The following PAWR variants were observed in gnomAD, a reference collection of about 807,000 sequenced individuals.
PAWR encodes pro-apoptotic WT1 regulator.
Under a neutral mutation model 32.0 loss-of-function variants are expected in PAWR, and 23 were observed. That is an observed-to-expected ratio of 0.72 (90% CI 0.52 to 1.02). The LOEUF (loss-of-function observed/expected upper bound fraction) is 1.02, where lower values mean the gene tolerates loss of function less well. Ranked by LOEUF, PAWR falls within the 50% of genes least tolerant of loss-of-function variation. PAWR has a pLI of 0.00. For missense variants in PAWR, 457 were observed against 437.7 expected (o/e 1.04, Z -0.39); for synonymous variants, 226 against 187.1 (o/e 1.21, Z -1.70).
At chr12:79,609,450 C>T (rs549785861) in intron 4 of PAWR, among the ~76,000 whole-genome samples, 1 of 152,174 alleles carries the variant, frequency 6.6e-6, no homozygotes, top group South Asian at 2.1e-4. Flanking sequence ...AACTGTGGCC[C>T]AAAGTGAGAA....
intron 4 of PAWR, among the ~76,000 whole-genome samples, chr12:79,599,144 G>A (rs1873870541): frequency 6.6e-6 from 1 of 152,220 alleles, no homozygotes; most frequent in South Asian, 2.1e-4. Context: ...GACCAAACTG[G>A]TTTCTTGTCT....
Position 79,621,093 on chromosome 12 carries a change from T to C in PAWR, c.631A>G (p.Ser211Gly), listed in dbSNP as rs1171670313. Residue 211 changes from serine to glycine, a missense_variant, in exon 3 of 7, where the codon AGT becomes GGT. Coordinates refer to ENST00000328827, the MANE Select transcript of PAWR (RefSeq NM_002583.4). ...NEAVNLLDPG[S>G]SYLLQEPPRT... is the part of the protein sequence containing the mutation. ...ATACTCACCTGTAGCAGATAGGAAC[T>C]GCCTGGATCTAGTAAGTTTACAGCT... is the stretch of plus-strand genomic sequence containing the variant. The C allele has an allele frequency of 6.2e-7, 1 of 1,602,660 alleles. No individual in the cohort carries two copies. Among genetic ancestry groups the C allele is most frequent in the Non-Finnish European group, 8.5e-7 (1 of 1,175,760 alleles).
At chr12:79,602,959 A>G (rs1000415425) in intron 4 of PAWR, among the ~76,000 whole-genome samples, 1 of 152,158 alleles carries the variant, frequency 6.6e-6, no homozygotes, top group Non-Finnish European at 1.5e-5. Context: ...ACAGCTGAGT[A>G]GGCTGAGCAC....
chr12:79,670,933 C>T (rs1877863036), intron 2 of PAWR, among the ~76,000 whole-genome samples: 1 of 148,414 alleles, frequency 6.7e-6, no homozygotes, highest in South Asian at 2.1e-4. Flanking sequence ...TCCTACATGT[C>T]AAGCACTGAG....
chr12:79,690,385 G>A lies in PAWR; in HGVS notation c.-141C>T. On this transcript the variant is annotated 5_prime_UTR_variant, in exon 2 of 7. Coordinates refer to ENST00000328827, the MANE Select transcript of PAWR (RefSeq NM_002583.4). Reference sequence around the variant, plus strand: ...GACGGCCGCCGCTCCCACAGCAGCCGGCGGGGCTGAGGTGAAAGACAAAAG... The same window carrying A: ...GACGGCCGCCGCTCCCACAGCAGCCAGCGGGGCTGAGGTGAAAGACAAAAG... The A allele has an allele frequency of 7.4e-7, 1 of 1,349,958 alleles. No individual in the cohort carries two copies. The highest frequency in any genetic ancestry group is 9.5e-7 in the Non-Finnish European group (1 of 1,055,598). 83.6% of individuals were successfully genotyped at this position (1,349,958 alleles called of 1,614,324 possible).
At chr12:79,627,178 A>T (rs935452250) in intron 2 of PAWR, among the ~76,000 whole-genome samples, 28 of 152,112 alleles carry the variant, frequency 1.8e-4, no homozygotes, top group African/African-American at 6.5e-4. Context: ...GACTTCCACA[A>T]TGGTTGAACT....
At chr12:79,614,958 A>G (rs1874656881) in intron 3 of PAWR, among the ~76,000 whole-genome samples, 1 of 152,248 alleles carries the variant, frequency 6.6e-6, no homozygotes, top group Non-Finnish European at 1.5e-5. Context: ...CTAAAATGGA[A>G]TAACAGTGCC....
intron 4 of PAWR, among the ~76,000 whole-genome samples, chr12:79,602,144 C>T (rs751315929): frequency 1.1e-4 from 17 of 152,170 alleles, no homozygotes; most frequent in Non-Finnish European, 2.4e-4. Flanking sequence ...CCTCAGGACA[C>T]CTTTAGTACC....
At chr12:79,689,592 G>T in intron 2 of PAWR, 137 bp downstream of exon 2, 1 of 949,858 alleles carries the variant, frequency 1.1e-6, no homozygotes, top group Non-Finnish European at 1.5e-6. Context: ...ATCACCCCCT[G>T]CCTGCCTAAC....
intron 2 of PAWR, among the ~76,000 whole-genome samples, chr12:79,668,988 G>C (rs1270347509): frequency 6.6e-6 from 1 of 152,206 alleles, no homozygotes; most frequent in African/African-American, 2.4e-5. Flanking sequence ...GAAGAAAACA[G>C]TTCAAAACAA....
At chr12:79,684,338 C>CGGTA (rs1878582470) in intron 2 of PAWR, among the ~76,000 whole-genome samples, 1 of 151,938 alleles carries the variant, frequency 6.6e-6, no homozygotes, top group Admixed American at 6.6e-5. Flanking sequence ...AGGCTTGGTA[C>CGGTA]GGTAGCTCCC....
intron 2 of PAWR, among the ~76,000 whole-genome samples, chr12:79,645,546 C>A (rs1289137237): frequency 1.3e-5 from 2 of 152,294 alleles, no homozygotes; most frequent in East Asian, 3.9e-4. Flanking sequence ...TAACTGAAAT[C>A]CAGCTGTGGC....
chr12:79,617,031 T>C (rs563807363), intron 3 of PAWR, among the ~76,000 whole-genome samples: 2 of 152,314 alleles, frequency 1.3e-5, no homozygotes, highest in African/African-American at 4.8e-5. Context: ...TTAGAGATTA[T>C]ACATTTTGAA....
rs1162980138 is a variant in PAWR, at chr12:79,590,147, A to AT, written c.*2459dup. ...AAGGCCAAAAAAATCACTGCTAGAA[A>AT]TGTTCCCCAAAAAATTCTTAAACAG... On this transcript the variant is annotated 3_prime_UTR_variant, in exon 7 of 7. Coordinates refer to ENST00000328827, the MANE Select transcript of PAWR (RefSeq NM_002583.4). 2 of 152,084 alleles carry AT rather than the reference A, an allele frequency of 1.3e-5. No homozygotes were observed. Among genetic ancestry groups the AT allele is most frequent in the Non-Finnish European group, 2.9e-5 (2 of 68,008 alleles). 9.4% of individuals were successfully genotyped at this position (152,084 alleles called of 1,614,324 possible).
At chr12:79,639,481 A>G (rs964492447) in intron 2 of PAWR, among the ~76,000 whole-genome samples, 2 of 152,148 alleles carry the variant, frequency 1.3e-5, no homozygotes, top group African/African-American at 4.8e-5. Context: ...TGCAGAACCT[A>G]CGTTTGTGGT....
In PAWR at chr12:79,592,625, C is replaced by A. The variant is rs8176908; in HGVS notation, c.1005G>T (p.Val335=). 5,771 of 769,000 alleles carry A rather than the reference C, an allele frequency of 7.5e-3. 214 individuals are homozygous for A. In the African/African-American group the frequency reaches 0.081, roughly 11 times the overall value. The allele number at this position is 769,000 out of a possible 1,614,324, so 47.6% of individuals were successfully genotyped here. ...GAATCCTCTACCTGGTCAGCTGACC[C>A]ACAACTTTCAAAAGAGTTTTATTTT... The part of the protein sequence containing the change: ...KQENKTLLKV[V]GQLTR Residue 335 remains valine (V), a synonymous_variant, in exon 7 of 7, where the codon GTG becomes GTT. Coordinates refer to ENST00000328827, the MANE Select transcript of PAWR (RefSeq NM_002583.4).
intron 2 of PAWR, among the ~76,000 whole-genome samples, chr12:79,685,351 T>C (rs1344486413): frequency 6.6e-6 from 1 of 152,184 alleles, no homozygotes; most frequent in Non-Finnish European, 1.5e-5. Context: ...TGGAGCATAA[T>C]GGGAATAACA....
rs991973483 is a variant in PAWR at position 79,590,618 on chromosome 12, G to C, written c.*1989C>G. 2.0e-5 allele frequency: 3 copies of C among 152,102 alleles called. No individual in the cohort carries two copies. The highest frequency in any genetic ancestry group is 6.6e-5 in the Admixed American group (1 of 15,266). 9.4% of individuals were successfully genotyped at this position (152,102 alleles called of 1,614,324 possible). On this transcript the variant is annotated 3_prime_UTR_variant, in exon 7 of 7. Transcript: ENST00000328827. The stretch of plus-strand genomic sequence containing the variant: ...AACCCATATACTAATATATTTTAAG[G>C]TTGGATACTAACAGCATTTTCACAA...
rs1190978680 is a variant in PAWR, at chr12:79,632,296, CATATAT to C, written c.517-11095_517-11090del. 1.7e-3 allele frequency: 62 copies of C among 36,774 alleles called. 3 individuals are homozygous for C. Among genetic ancestry groups the C allele is most frequent in the African/African-American group, 0.016 (57 of 3,482 alleles). The allele number at this position is 36,774 out of a possible 1,614,324, so 2.3% of individuals were successfully genotyped here. A position where few individuals can be genotyped will look rare whatever the true frequency, so the allele number is the denominator to read the frequency against. ...TAGAGTCCAGAAATAGAAATATATA[CATATAT>C]ATATACATACATATATATATATATA... On this transcript the variant is annotated intron_variant, in intron 2 of 6. Transcript: ENST00000328827.
Sources: allele counts gnomAD v4.1 joint callset (sites outside exome capture counted in the v4.1 genomes callset), GRCh38; gene constraint gnomAD v4.1.1; transcripts MANE v1.5; gene names NCBI Gene and HGNC (gene_info 2026-07-23, HGNC 2026-07-21).